ROR1: variants seen among roughly 807,000 people sequenced by gnomAD.
ROR1 encodes inactive tyrosine-protein kinase transmembrane receptor ROR1.
ROR1 carries 19 observed loss-of-function variants against 78.8 expected under a neutral mutation model. The observed-to-expected ratio is 0.24, with a 90% CI of 0.17 to 0.35. ROR1 has a LOEUF of 0.35. Ranked by LOEUF, ROR1 falls within the 10% of genes least tolerant of loss-of-function variation. ROR1 has a pLI of 1.00. For synonymous variants in ROR1, 386 were observed against 433.6 expected (o/e 0.89, Z 1.36); for missense variants, 917 against 1,177.8 (o/e 0.78, Z 3.24).
chr1:63,791,535 C>T (rs1644726857), intron 1 of ROR1, among the ~76,000 whole-genome samples: 1 of 152,102 alleles, frequency 6.6e-6, no homozygotes, highest in African/African-American at 2.4e-5. Flanking sequence ...TTTCTGTAAG[C>T]CAGTTCCCAC....
chr1:64,158,028 A>G (rs983331316), intron 7 of ROR1, among the ~76,000 whole-genome samples: 1 of 152,184 alleles, frequency 6.6e-6, no homozygotes, highest in Non-Finnish European at 1.5e-5. Flanking sequence ...TCTAATTACT[A>G]TCCCATAATT....
intron 1 of ROR1, among the ~76,000 whole-genome samples, chr1:63,835,524 A>G (rs1645014547): frequency 1.3e-5 from 2 of 152,182 alleles, no homozygotes; most frequent in South Asian, 4.1e-4. Flanking sequence ...TTTCCAACAA[A>G]CGTATTTTGA....
chr1:63,895,904 G>A (rs1645435460), intron 1 of ROR1, among the ~76,000 whole-genome samples: 1 of 152,090 alleles, frequency 6.6e-6, no homozygotes, highest in South Asian at 2.1e-4. Flanking sequence ...ACCCAGTGGT[G>A]TCTTGGAGTT....
At chr1:63,789,078 A>T (rs537212781) in intron 1 of ROR1, 95 of 620,010 alleles carry the variant, frequency 1.5e-4, no homozygotes, top group South Asian at 1.3e-3. Flanking sequence ...ACCTATGCCC[A>T]TGTGCCTGCC....
At chr1:63,935,241 G>C (rs1054224906) in intron 1 of ROR1, among the ~76,000 whole-genome samples, 2 of 152,140 alleles carry the variant, frequency 1.3e-5, no homozygotes, top group Non-Finnish European at 2.9e-5. Flanking sequence ...AAACAGAATG[G>C]AGGGAGCTGT....
chr1:64,083,536 T>TGTGTGTGTG (rs139973518), intron 4 of ROR1, among the ~76,000 whole-genome samples: 1 of 150,726 alleles, frequency 6.6e-6, no homozygotes, highest in African/African-American at 2.4e-5. Flanking sequence ...AGTGTGTGTG[T>TGTGTGTGTG]TTTAGGAACA....
At chr1:63,866,075 A>G (rs1429530669) in intron 1 of ROR1, among the ~76,000 whole-genome samples, 2 of 152,122 alleles carry the variant, frequency 1.3e-5, no homozygotes, top group African/African-American at 4.8e-5. Context: ...GTTACTGGTC[A>G]TGTTCATTAA....
rs574722068 is a variant in ROR1 at position 63,934,479 on chromosome 1, T to C, written c.92-74826T>C. Among the ~76,000 whole-genome samples, 71 of 152,216 alleles carry C rather than the reference T, an allele frequency of 4.7e-4. 1 individual carries two copies. In the South Asian group the frequency reaches 0.015, roughly 32 times the overall value. On this transcript the variant is annotated intron_variant, in intron 1 of 8. Coordinates refer to ENST00000371079, the MANE Select transcript of ROR1 (RefSeq NM_005012.4). ...GCTCCTGTAGTAAGCATATAACAAA[T>C]ATTAGGTGCTATCATTGACACAAAG...
chr1:63,861,159 C>T (rs940705089), intron 1 of ROR1, among the ~76,000 whole-genome samples: 16 of 152,140 alleles, frequency 1.1e-4, no homozygotes, highest in South Asian at 2.1e-4. Flanking sequence ...AGGAGGAATC[C>T]GGGACTGTTG....
chr1:63,954,462 A>G (rs187708384), intron 1 of ROR1, among the ~76,000 whole-genome samples: 4 of 152,342 alleles, frequency 2.6e-5, no homozygotes, highest in African/African-American at 9.6e-5. Context: ...AGGGAAGAAC[A>G]GATATTCAGG....
chr1:63,863,707 CATTGT>C (rs61123882), intron 1 of ROR1, among the ~76,000 whole-genome samples: 2,575 of 65,798 alleles, frequency 0.039, 68 homozygotes, highest in Admixed American at 0.055. Context: ...TCAACACTGC[CATTGT>C]ATTGTATTGT....
chr1:64,141,685 T>C (rs893508058), intron 6 of ROR1, among the ~76,000 whole-genome samples: 2 of 152,190 alleles, frequency 1.3e-5, no homozygotes. Flanking sequence ...TCACCGGCAA[T>C]TTTTCAGTTT....
At chr1:63,958,277 A>G (rs957343618) in intron 1 of ROR1, among the ~76,000 whole-genome samples, 1 of 152,154 alleles carries the variant, frequency 6.6e-6, no homozygotes, top group Non-Finnish European at 1.5e-5. Flanking sequence ...TGTACAATCA[A>G]TAGTATGACA....
At chr1:64,064,518 G>A (rs756044852) in intron 4 of ROR1, among the ~76,000 whole-genome samples, 4 of 152,138 alleles carry the variant, frequency 2.6e-5, no homozygotes, top group South Asian at 2.1e-4. Context: ...AGCAGGAAAC[G>A]GGCAAGGAAC....
rs557723935 is a variant in ROR1 at position 63,774,903 on chromosome 1, A to C, written c.91+395A>C. Among the ~76,000 whole-genome samples, 1 of 151,956 alleles carries C rather than the reference A, an allele frequency of 6.6e-6. No individual in the cohort carries two copies. The highest frequency in any genetic ancestry group is 2.0e-4 in the East Asian group (1 of 5,120). On this transcript the variant is annotated intron_variant, in intron 1 of 8. Transcript: ENST00000371079. The surrounding 1 kb of genome is among the most constrained non-coding windows in gnomAD (Gnocchi z 5.7). ...TTCAGGCAAGTCTATCCTGCCCCCA[A>C]GTTGCGAGCCGGCCCGGAAGGCGCG...
intron 1 of ROR1, among the ~76,000 whole-genome samples, chr1:63,926,047 T>A (rs1000495948): frequency 6.6e-6 from 1 of 152,160 alleles, no homozygotes. Flanking sequence ...TTTTGTCTTT[T>A]GTTGCCATTG....
At chr1:63,840,390 C>T (rs894037364) in intron 1 of ROR1, among the ~76,000 whole-genome samples, 1 of 151,742 alleles carries the variant, frequency 6.6e-6, no homozygotes, top group Non-Finnish European at 1.5e-5. Context: ...AGTGAGTCTC[C>T]TGCCTCAGCC....
intron 4 of ROR1, chr1:64,108,395 TAAAAAAAAAAAAAAAAAAAAAAAAAAA>T (rs556497678): frequency 4.1e-5 from 2 of 48,260 alleles, no homozygotes; most frequent in Admixed American, 3.3e-4. Context: ...AGACTCCATC[TAAAAAAAAAAAAAAAAAAAAAAAAAAA>T]AAAAAAAAAA....
intron 4 of ROR1, among the ~76,000 whole-genome samples, chr1:64,089,553 T>C (rs1647179296): frequency 6.6e-6 from 1 of 152,120 alleles, no homozygotes; most frequent in Admixed American, 6.6e-5. Flanking sequence ...ATAAGCTCTG[T>C]TGAGGGACAT....
Sources: gnomAD v4.1 joint callset for allele counts (sites outside exome capture counted in the v4.1 genomes callset) on GRCh38, gnomAD v4.1.1 for gene constraint, Gnocchi (gnomAD v3.1) non-coding constraint, MANE v1.5 for transcripts, NCBI Gene and HGNC (gene_info 2026-07-23, HGNC 2026-07-21) for gene names.